SOS1: variants seen among roughly 807,000 people sequenced by gnomAD.
SOS1 encodes the protein SOS Ras/Rac guanine nucleotide exchange factor 1.
In SOS1, 25 loss-of-function variants were observed where a neutral mutation model predicts 157.6. That is an observed-to-expected ratio of 0.16 (90% CI 0.12 to 0.22). The LOEUF (loss-of-function observed/expected upper bound fraction) is 0.22. Among genes scored for constraint, SOS1 ranks in the 10% least tolerant of loss-of-function variants. The pLI is 1.00. For synonymous variants in SOS1, 528 were observed against 534.0 expected, an observed-to-expected ratio of 0.99 and a Z score of 0.16; for missense variants, 1,237 against 1,599.1, an observed-to-expected ratio of 0.77 and a Z score of 3.86.
At chr2:39,103,161 T>C (rs1454855091) in intron 1 of SOS1, among the ~76,000 whole-genome samples, 1 of 152,062 alleles carries the variant, frequency 6.6e-6, no homozygotes, top group Non-Finnish European at 1.5e-5. Context: ...AAATTTAAAA[T>C]AACCAAAATA....
chr2:39,097,550 CT>C (rs201688299), intron 1 of SOS1, among the ~76,000 whole-genome samples: 6 of 146,820 alleles, frequency 4.1e-5, no homozygotes, highest in Admixed American at 6.6e-5. Flanking sequence ...CACAAGACCT[CT>C]TTTTTTTCTT....
chr2:39,107,777 T>C (rs371386150), intron 1 of SOS1, among the ~76,000 whole-genome samples: 4 of 152,106 alleles, frequency 2.6e-5, no homozygotes, highest in East Asian at 1.9e-4. Context: ...CAAAATTCTG[T>C]AGGTACTAAG....
At chr2:39,030,586 G>A (rs979067701) in intron 8 of SOS1, among the ~76,000 whole-genome samples, 1 of 152,006 alleles carries the variant, frequency 6.6e-6, no homozygotes, top group African/African-American at 2.4e-5. Context: ...GAGGGATGGG[G>A]GTGTTAGGGG....
intron 6 of SOS1, 129 bp downstream of exon 6, chr2:39,051,015 G>A (rs960624798): frequency 1.2e-6 from 1 of 841,392 alleles, no homozygotes; most frequent in Non-Finnish European, 2.0e-6. Context: ...CTATGAAAAA[G>A]GAGCAATAAC....
intron 6 of SOS1, among the ~76,000 whole-genome samples, chr2:39,038,712 A>G: frequency 7.1e-6 from 1 of 141,684 alleles, no homozygotes; most frequent in Non-Finnish European, 1.5e-5. Context: ...CCAGCCTGGC[A>G]ACAAAATGAG....
At chr2:39,029,233 G>A (rs1670075352) in intron 8 of SOS1, among the ~76,000 whole-genome samples, 2 of 152,144 alleles carry the variant, frequency 1.3e-5, no homozygotes, top group South Asian at 4.1e-4. Flanking sequence ...GTTACGATAT[G>A]TCATTTATGA....
rs561436405 is a variant in SOS1, at chr2:39,039,142, T to C, written c.865-3642A>G. On this transcript the variant is annotated intron_variant, in intron 6 of 22. Coordinates refer to ENST00000402219, the MANE Select transcript of SOS1 (RefSeq NM_005633.4). The stretch of plus-strand genomic sequence containing the variant: ...CTAAATCTAGGTATATATGTTGTTT[T>C]AGACATAATGCTACTGCATGCTTAC... Among the ~76,000 whole-genome samples the C allele has an allele frequency of 5.1e-4, 77 of 152,360 alleles. 2 individuals are homozygous for C. The highest frequency in any genetic ancestry group is 1.6e-3 in the African/African-American group (65 of 41,584).
intron 8 of SOS1, among the ~76,000 whole-genome samples, chr2:39,025,197 G>A (rs933791042): frequency 2.6e-5 from 4 of 152,118 alleles, no homozygotes; most frequent in Non-Finnish European, 4.4e-5. Context: ...TTAAGCCTAC[G>A]AGTTTGAGAT....
rs975045590 is a variant in SOS1 at position 39,020,017 on chromosome 2, T to G, written c.1858+2553A>C. Among the ~76,000 whole-genome samples the G allele has an allele frequency of 3.3e-5, 5 of 151,766 alleles. No homozygotes were observed. The South Asian group carries it at 6.2e-4, about 19-fold the overall frequency. ...CATATAATTAAAAAATTACAACATA[T>G]TCTATTCATGAAAACAATCACCTTA... On this transcript the variant is annotated intron_variant, in intron 10 of 22. Coordinates refer to ENST00000402219, the MANE Select transcript of SOS1 (RefSeq NM_005633.4).
intron 1 of SOS1, among the ~76,000 whole-genome samples, chr2:39,074,308 C>T (rs997666002): frequency 6.6e-6 from 1 of 150,838 alleles, no homozygotes; most frequent in African/African-American, 2.4e-5. Context: ...TGAGATCCTG[C>T]CACTGCACTC....
intron 19 of SOS1, among the ~76,000 whole-genome samples, chr2:38,996,298 C>T: frequency 6.6e-6 from 1 of 152,174 alleles, no homozygotes; most frequent in East Asian, 1.9e-4. Context: ...CCATGTTGGC[C>T]AGGCTGGTCT....
intron 6 of SOS1, among the ~76,000 whole-genome samples, chr2:39,047,192 T>C (rs973254618): frequency 1.3e-5 from 2 of 152,234 alleles, no homozygotes; most frequent in African/African-American, 4.8e-5. Context: ...ATATATGTAC[T>C]TTGAGTCTTA....
intron 1 of SOS1, among the ~76,000 whole-genome samples, chr2:39,110,009 C>G (rs973424369): frequency 1.4e-4 from 20 of 147,424 alleles, no homozygotes; most frequent in African/African-American, 5.2e-4. Flanking sequence ...AATAAACTGA[C>G]AGAGATACAG....
At chr2:39,053,711 T>C (rs554294348) in intron 5 of SOS1, among the ~76,000 whole-genome samples, 1 of 152,296 alleles carries the variant, frequency 6.6e-6, no homozygotes, top group East Asian at 1.9e-4. Context: ...CCGTCTCACC[T>C]GTTCTCATTC....
chr2:39,016,470 C>A (rs541924129), intron 10 of SOS1, among the ~76,000 whole-genome samples: 11 of 152,180 alleles, frequency 7.2e-5, no homozygotes, highest in African/African-American at 2.4e-4. Context: ...AAACAGAAGG[C>A]TGTACAAGAT....
Position 39,120,510 on chromosome 2 carries a change from A to T in SOS1, c.-88T>A. The T allele has an allele frequency of 8.3e-7, 1 of 1,209,490 alleles. No homozygotes were observed. 74.9% of individuals were successfully genotyped at this position (1,209,490 alleles called of 1,614,324 possible). Reference sequence around the variant, plus strand: ...AGAGGGCGAGCTCGCAGCGCGGAACAGGGCCGCGGCCCCACCGGACGGCCC... The same window carrying T: ...AGAGGGCGAGCTCGCAGCGCGGAACTGGGCCGCGGCCCCACCGGACGGCCC... On this transcript the variant is annotated 5_prime_UTR_variant, in exon 1 of 23. Coordinates refer to ENST00000402219, the MANE Select transcript of SOS1 (RefSeq NM_005633.4).
rs913974347 is a variant in SOS1 at position 39,059,168 on chromosome 2, T to C, written c.214-364A>G. 9.9e-5 allele frequency among the ~76,000 whole-genome samples: 15 copies of C among 152,280 alleles called. 1 individual carries two copies. Among genetic ancestry groups the C allele is most frequent in the African/African-American group, 3.6e-4 (15 of 41,584 alleles). On this transcript the variant is annotated intron_variant, in intron 2 of 22. Coordinates refer to ENST00000402219, the MANE Select transcript of SOS1 (RefSeq NM_005633.4). Reference sequence around the variant, plus strand: ...GTAAATATCTAAATCCAGTTCTCACTCACTTGTCCTTACTTTCAGTGGTAA... The same window carrying C: ...GTAAATATCTAAATCCAGTTCTCACCCACTTGTCCTTACTTTCAGTGGTAA...
chr2:38,988,311 C>CA (rs1572798158), intron 21 of SOS1, among the ~76,000 whole-genome samples: 4 of 151,574 alleles, frequency 2.6e-5, no homozygotes, highest in Admixed American at 2.6e-4. Context: ...TGGACTGGCA[C>CA]AAAAAAAGTA....
At position 38,986,164 on chromosome 2, in the gene SOS1, C is replaced by G. The variant is rs768987761; in HGVS notation, c.3662G>C (p.Arg1221Thr). Residue 1221 changes from arginine to threonine, a missense_variant, in exon 23 of 23, where the codon AGG (arginine) becomes ACG (threonine). Arg to Thr is a moderately conservative substitution (Grantham distance 71). Coordinates refer to ENST00000402219, the MANE Select transcript of SOS1 (RefSeq NM_005633.4). ...PPLLPPREPV[R>T]TPDVFSSSPL... The stretch of plus-strand genomic sequence containing the variant: ...TGAGCTTGAGAAAACATCAGGTGTC[C>G]TCACAGGTTCTCGTGGTGGTAATAA... 31 of 1,613,566 alleles carry G rather than the reference C, an allele frequency of 1.9e-5. No homozygotes were observed. The highest frequency in any genetic ancestry group is 5.5e-5 in the South Asian group (5 of 91,066).
Sources: allele counts gnomAD v4.1 joint callset (sites outside exome capture counted in the v4.1 genomes callset), GRCh38; gene constraint gnomAD v4.1.1; transcripts MANE v1.5; gene names NCBI Gene and HGNC (gene_info 2026-07-23, HGNC 2026-07-21).